The following APP variants were observed in gnomAD, a reference collection of about 807,000 sequenced individuals.
The protein encoded by APP is amyloid beta precursor protein.
A neutral mutation model predicts 101.4 loss-of-function variants in APP; 31 were observed. That is an observed-to-expected ratio of 0.31 (90% confidence interval 0.23 to 0.41). The LOEUF is 0.41. APP is among the 10% of genes least tolerant of loss of function. The pLI is 1.00. For missense variants in APP, 839 were observed against 1,003.7 expected, an observed-to-expected ratio of 0.84 and a Z score of 2.22; for synonymous variants, 366 against 364.4, an observed-to-expected ratio of 1.00 and a Z score of -0.05.
intron 1 of APP, among the ~76,000 whole-genome samples, chr21:26,165,734 T>C (rs1360000222): frequency 6.6e-6 from 1 of 152,212 alleles, no homozygotes; most frequent in African/African-American, 2.4e-5. Flanking sequence ...CTATTGCATG[T>C]TTCTTCAACA....
chr21:25,944,261 G>C (rs1375543719), intron 13 of APP, among the ~76,000 whole-genome samples: 1 of 152,154 alleles, frequency 6.6e-6, no homozygotes, highest in East Asian at 1.9e-4. Context: ...CCCTGGCCTT[G>C]ACCCTCTGAC....
chr21:26,166,597 A>C (rs2063615270), intron 1 of APP, among the ~76,000 whole-genome samples: 1 of 152,168 alleles, frequency 6.6e-6, no homozygotes, highest in Admixed American at 6.5e-5. Flanking sequence ...AGATCTTTAA[A>C]TTAAAAAAAG....
At chr21:25,937,415 G>T (rs1370073812) in intron 13 of APP, among the ~76,000 whole-genome samples, 1 of 152,152 alleles carries the variant, frequency 6.6e-6, no homozygotes, top group East Asian at 1.9e-4. Flanking sequence ...TCTCTAAAAA[G>T]ACCACACTTT....
At chr21:26,083,577 C>T (rs936090280) in intron 3 of APP, among the ~76,000 whole-genome samples, 1 of 152,192 alleles carries the variant, frequency 6.6e-6, no homozygotes, top group Non-Finnish European at 1.5e-5. Context: ...CTTTTGTAAT[C>T]AGAGAAATTT....
At chr21:25,997,494 T>G (rs1169068513) in intron 7 of APP, 78 bp from the exon 8 acceptor site, 6 of 1,335,578 alleles carry the variant, frequency 4.5e-6, no homozygotes, top group Non-Finnish European at 6.5e-6. Flanking sequence ...ACGAGTCCAC[T>G]GACAAAAAAA....
At chr21:26,112,418 CAT>C (rs1358957412) in intron 1 of APP, among the ~76,000 whole-genome samples, 1 of 152,124 alleles carries the variant, frequency 6.6e-6, no homozygotes, top group African/African-American at 2.4e-5. Flanking sequence ...CACGTTTTCC[CAT>C]ATGAGATTTT....
At chr21:26,132,823 C>A (rs1003795151) in intron 1 of APP, among the ~76,000 whole-genome samples, 1 of 152,186 alleles carries the variant, frequency 6.6e-6, no homozygotes, top group African/African-American at 2.4e-5. Flanking sequence ...AATTCAGAAT[C>A]GGGTTGACAT....
chr21:25,959,365 G>A (rs532782814), intron 11 of APP, among the ~76,000 whole-genome samples: 29 of 152,308 alleles, frequency 1.9e-4, no homozygotes, highest in African/African-American at 5.8e-4. Flanking sequence ...CCTGGGAGGC[G>A]GAGCTTGCAG....
At chr21:25,925,544 A>T (rs144659748) in intron 13 of APP, among the ~76,000 whole-genome samples, 220 of 152,308 alleles carry the variant, frequency 1.4e-3, no homozygotes, top group African/African-American at 5.2e-3. Flanking sequence ...GCATGTTACC[A>T]TCTGAGAAGA....
rs768226210 is a variant in APP, at chr21:25,982,599, C to T, written c.1091-122G>A. The T allele has an allele frequency of 5.2e-4, 486 of 930,998 alleles. 2 individuals carry two copies. In the Middle Eastern group the frequency reaches 9.0e-3, roughly 17 times the overall value. The allele number at this position is 930,998 out of a possible 1,614,324, so 57.7% of individuals were successfully genotyped here. On this transcript the variant is annotated intron_variant, in intron 8 of 17. Coordinates refer to ENST00000346798, the MANE Select transcript of APP (RefSeq NM_000484.4). ...CAGAACAGAGAATTTAGTAAAGCAG[C>T]GCATACAAGACGTTAATGCTGTTTA...
intron 6 of APP, among the ~76,000 whole-genome samples, chr21:26,008,282 G>A (rs1219354314): frequency 1.3e-5 from 2 of 152,144 alleles, no homozygotes; most frequent in Non-Finnish European, 2.9e-5. Context: ...CTCCCGTGAC[G>A]GTGTTAGGGA....
intron 1 of APP, among the ~76,000 whole-genome samples, chr21:26,141,475 CT>C (rs1231364358): frequency 1.3e-5 from 2 of 152,134 alleles, no homozygotes; most frequent in Admixed American, 6.5e-5. Context: ...AAACTGGGTT[CT>C]GGATGACTGA....
intron 3 of APP, among the ~76,000 whole-genome samples, chr21:26,084,203 G>GGAT (rs2061654318): frequency 6.7e-6 from 1 of 150,142 alleles, no homozygotes; most frequent in Non-Finnish European, 1.5e-5. Flanking sequence ...GAGCCATGGA[G>GGAT]GATGACCTAC....
chr21:25,942,435 G>A, intron 13 of APP: 1 of 152,144 alleles, frequency 6.6e-6, no homozygotes, highest in Non-Finnish European at 1.5e-5. Context: ...TCTTTCCTTT[G>A]CTAATAAATT....
chr21:25,902,065 T>C (rs772731564), intron 15 of APP, among the ~76,000 whole-genome samples: 1 of 152,134 alleles, frequency 6.6e-6, no homozygotes, highest in South Asian at 2.1e-4. Flanking sequence ...ATTACAATGG[T>C]CCCTACTTGA....
At chr21:26,102,398 GT>G (rs2062082506) in intron 2 of APP, among the ~76,000 whole-genome samples, 1 of 151,882 alleles carries the variant, frequency 6.6e-6, no homozygotes, top group Non-Finnish European at 1.5e-5. Context: ...CAAAACTATG[GT>G]TTTTAAAAAA....
chr21:25,978,544 C>T (rs999756691), intron 9 of APP, among the ~76,000 whole-genome samples: 2 of 152,002 alleles, frequency 1.3e-5, no homozygotes, highest in African/African-American at 4.8e-5. Context: ...TGTTTTTGTA[C>T]CCTGTGGTAC....
chr21:25,917,766 A>G (rs2039423828), intron 13 of APP, among the ~76,000 whole-genome samples: 1 of 152,164 alleles, frequency 6.6e-6, no homozygotes, highest in East Asian at 1.9e-4. Flanking sequence ...ATCTGAATCT[A>G]TCCATCTGAC....
intron 2 of APP, among the ~76,000 whole-genome samples, chr21:26,102,261 T>C (rs1001776720): frequency 6.6e-6 from 1 of 151,940 alleles, no homozygotes; most frequent in African/African-American, 2.4e-5. Context: ...GCAAATATTT[T>C]TGTATTTTTA....
Sources: gnomAD v4.1 joint callset for allele counts (sites outside exome capture counted in the v4.1 genomes callset) on GRCh38, gnomAD v4.1.1 for gene constraint, MANE v1.5 for transcripts, NCBI Gene and HGNC (gene_info 2026-07-23, HGNC 2026-07-21) for gene names.